CSMD1: variants seen among roughly 807,000 people sequenced by gnomAD.
CSMD1 encodes the protein CUB and Sushi multiple domains 1, also known as CUB and sushi domain-containing protein 1.
Under a neutral mutation model 417.5 loss-of-function variants are expected in CSMD1, and 213 were observed. The ratio of observed to expected loss-of-function variants is 0.51; its 90% CI spans 0.46 to 0.57. CSMD1 has a LOEUF of 0.57. Ranked by LOEUF, CSMD1 falls within the 20% of genes least tolerant of loss-of-function variation. The pLI is 0.00. For synonymous variants in CSMD1, 2,862 were observed against 1,736.8 expected, an observed-to-expected ratio of 1.65 and a Z score of -16.11; for missense variants, 6,923 against 4,529.7, an observed-to-expected ratio of 1.53 and a Z score of -15.17.
intron 3 of CSMD1, among the ~76,000 whole-genome samples, chr8:4,208,124 T>A (rs1585024750): frequency 6.6e-6 from 1 of 152,288 alleles, no homozygotes; most frequent in East Asian, 1.9e-4. Flanking sequence ...ATACACATGA[T>A]GATTTTCTTA....
At chr8:4,065,177 T>G (rs2130755652) in intron 3 of CSMD1, among the ~76,000 whole-genome samples, 1 of 152,336 alleles carries the variant, frequency 6.6e-6, no homozygotes, top group Non-Finnish European at 1.5e-5. Context: ...ACAAAACACT[T>G]CTGATACAAA....
At chr8:3,352,118 T>C (rs1563301190) in intron 21 of CSMD1, among the ~76,000 whole-genome samples, 2 of 152,138 alleles carry the variant, frequency 1.3e-5, no homozygotes, top group Non-Finnish European at 2.9e-5. Context: ...ACCGCAGCCG[T>C]GTTGGCATCT....
intron 26 of CSMD1, among the ~76,000 whole-genome samples, chr8:3,261,937 C>G (rs1436525110): frequency 6.6e-6 from 1 of 151,814 alleles, no homozygotes; most frequent in Non-Finnish European, 1.5e-5. Context: ...TTGATAGTAT[C>G]AATGTCAACG....
intron 5 of CSMD1, among the ~76,000 whole-genome samples, chr8:3,945,004 G>A (rs973961351): frequency 6.6e-6 from 1 of 152,182 alleles, no homozygotes. Flanking sequence ...TCACCCGCAA[G>A]TCAAATGTGA....
chr8:4,370,855 G>C (rs1563103505), intron 3 of CSMD1, among the ~76,000 whole-genome samples: 1 of 152,130 alleles, frequency 6.6e-6, no homozygotes, highest in Admixed American at 6.5e-5. Context: ...CTTGGATTCT[G>C]TTTCAACCTC....
chr8:4,451,151 G>C (rs1246736435), intron 2 of CSMD1, among the ~76,000 whole-genome samples: 1 of 150,818 alleles, frequency 6.6e-6, no homozygotes, highest in Non-Finnish European at 1.5e-5. Flanking sequence ...AACACAGTAA[G>C]ACCCTGTCTC....
intron 1 of CSMD1, among the ~76,000 whole-genome samples, chr8:4,697,069 G>A (rs935993449): frequency 2.0e-5 from 3 of 152,142 alleles, no homozygotes; most frequent in Non-Finnish European, 4.4e-5. Flanking sequence ...CTACTCAGGA[G>A]GCTGACGCAG....
At chr8:4,951,852 C>A (rs1404476620) in intron 1 of CSMD1, among the ~76,000 whole-genome samples, 1 of 53,510 alleles carries the variant, frequency 1.9e-5, no homozygotes, top group Admixed American at 2.5e-4. Context: ...AGTTAATACA[C>A]TGAAGGACCA....
intron 1 of CSMD1, among the ~76,000 whole-genome samples, chr8:4,880,673 G>C (rs7005918): frequency 6.6e-6 from 1 of 152,058 alleles, no homozygotes; most frequent in Non-Finnish European, 1.5e-5. Context: ...GAGACAGAGA[G>C]ACTTTTCTGC....
intron 3 of CSMD1, among the ~76,000 whole-genome samples, chr8:4,140,148 T>A (rs1803695938): frequency 6.6e-6 from 1 of 150,744 alleles, no homozygotes; most frequent in South Asian, 2.1e-4. Context: ...AGCCCAGGGG[T>A]TTGCGACCAG....
chr8:4,331,697 G>A (rs1563063789), intron 3 of CSMD1, among the ~76,000 whole-genome samples: 2 of 152,108 alleles, frequency 1.3e-5, no homozygotes, highest in Non-Finnish European at 2.9e-5. Context: ...TCATTTCAAT[G>A]TTCCTTGTTT....
chr8:4,656,416 T>C (rs1170344024), intron 1 of CSMD1, among the ~76,000 whole-genome samples: 1 of 152,070 alleles, frequency 6.6e-6, no homozygotes, highest in African/African-American at 2.4e-5. Flanking sequence ...TTTGAAGGAC[T>C]AATGTATCAT....
chr8:4,449,845 T>C (rs1585095238), intron 2 of CSMD1, among the ~76,000 whole-genome samples: 1 of 152,172 alleles, frequency 6.6e-6, no homozygotes, highest in East Asian at 1.9e-4. Context: ...TCTCAGTAAA[T>C]GACTTCATCC....
In CSMD1 at chr8:4,475,645, C is replaced by T. The variant is rs111266633; in HGVS notation, c.303-55580G>A. Among the ~76,000 whole-genome samples, 706 of 151,354 alleles carry T rather than the reference C, an allele frequency of 4.7e-3. 4 individuals are homozygous for T. Among genetic ancestry groups the T allele is most frequent in the Non-Finnish European group, 7.2e-3 (489 of 67,888 alleles). On this transcript the variant is annotated intron_variant, in intron 2 of 69. Coordinates refer to ENST00000635120, the MANE Select transcript of CSMD1 (RefSeq NM_033225.6). ...TTTTTTCTTTTCTTCGAGACGGAGT[C>T]GCCCTTTGTCACCCAGGCTGGAGTG...
At chr8:3,719,285 G>C (rs1048118476) in intron 6 of CSMD1, among the ~76,000 whole-genome samples, 1 of 152,036 alleles carries the variant, frequency 6.6e-6, no homozygotes, top group Non-Finnish European at 1.5e-5. Context: ...CAGCAAAAAG[G>C]CCACTGCCCT....
At position 3,253,220 on chromosome 8, in the gene CSMD1, T is replaced by C. The variant is rs1380020091; in HGVS notation, c.4154-22989A>G. The stretch of plus-strand genomic sequence containing the variant: ...TTTGTATGTGTCCCAGAGATTCTGG[T>C]ATGTTGTGTCTTTGCTCTCGTTGGT... On this transcript the variant is annotated intron_variant, in intron 26 of 69. Coordinates refer to ENST00000635120, the MANE Select transcript of CSMD1 (RefSeq NM_033225.6). 3.3e-5 allele frequency among the ~76,000 whole-genome samples: 5 copies of C among 152,192 alleles called. No homozygotes were observed. The East Asian group carries it at 7.7e-4, about 23-fold the overall frequency.
chr8:4,289,054 C>G (rs1797215912), intron 3 of CSMD1, among the ~76,000 whole-genome samples: 1 of 152,116 alleles, frequency 6.6e-6, no homozygotes, highest in Admixed American at 6.6e-5. Flanking sequence ...AGCATAAAAA[C>G]AGTGCACATA....
chr8:3,003,731 C>T (rs567612522), intron 52 of CSMD1, among the ~76,000 whole-genome samples: 6 of 152,028 alleles, frequency 3.9e-5, no homozygotes, highest in South Asian at 2.1e-4. Flanking sequence ...AGGCTGGGAA[C>T]GAGTGGAAGG....
chr8:4,974,240 G>C (rs925531202), intron 1 of CSMD1, among the ~76,000 whole-genome samples: 2 of 151,348 alleles, frequency 1.3e-5, no homozygotes, highest in Non-Finnish European at 2.9e-5. Flanking sequence ...TGGCCAGGCT[G>C]GTCTTGAACT....
Sources: gnomAD v4.1 joint callset for allele counts (sites outside exome capture counted in the v4.1 genomes callset) on GRCh38, gnomAD v4.1.1 for gene constraint, MANE v1.5 for transcripts, NCBI Gene and HGNC (gene_info 2026-07-23, HGNC 2026-07-21) for gene names.